Variants in PTPRD observed in about 807,000 individuals in gnomAD.
The protein encoded by PTPRD is protein tyrosine phosphatase receptor type D, also known as receptor-type tyrosine-protein phosphatase delta.
In PTPRD, 34 loss-of-function variants were observed where a neutral mutation model predicts 214.5. That is an observed-to-expected ratio of 0.16 (90% CI 0.12 to 0.21). The LOEUF (loss-of-function observed/expected upper bound fraction) is 0.21, where lower values mean the gene tolerates loss of function less well. Ranked by LOEUF, PTPRD falls within the 10% of genes least tolerant of loss-of-function variation. The pLI, the probability that PTPRD is intolerant of heterozygous loss-of-function variation, is 1.00. For synonymous variants in PTPRD, 1,128 were observed against 845.7 expected (o/e 1.33, Z -5.79); for missense variants, 2,545 against 2,398.7 (o/e 1.06, Z -1.27).
intron 2 of PTPRD, among the ~76,000 whole-genome samples, chr9:10,409,633 A>C (rs1034839379): frequency 6.6e-6 from 1 of 151,854 alleles, no homozygotes; most frequent in East Asian, 1.9e-4. Context: ...TGTGGTTTTA[A>C]AACATGACCA....
At chr9:10,117,102 C>A (rs961077826) in intron 3 of PTPRD, among the ~76,000 whole-genome samples, 1 of 152,052 alleles carries the variant, frequency 6.6e-6, no homozygotes, top group African/African-American at 2.4e-5. Context: ...GAATTTGTAT[C>A]TTCTTTTTTT....
intron 5 of PTPRD, among the ~76,000 whole-genome samples, chr9:9,866,904 C>T (rs890039690): frequency 5.3e-5 from 8 of 151,906 alleles, no homozygotes; most frequent in East Asian, 3.9e-4. Context: ...CCTATTAAAC[C>T]GCAACAGTTT....
intron 9 of PTPRD, among the ~76,000 whole-genome samples, chr9:9,207,978 T>A (rs2099945938): frequency 6.8e-6 from 1 of 147,996 alleles, no homozygotes; most frequent in African/African-American, 2.5e-5. Context: ...ATGCCATTAT[T>A]TTTCTAAGAA....
At chr9:8,851,233 G>A (rs1328593574) in intron 11 of PTPRD, among the ~76,000 whole-genome samples, 1 of 149,668 alleles carries the variant, frequency 6.7e-6, no homozygotes, top group Non-Finnish European at 1.5e-5. Context: ...TTCTGCTTCA[G>A]TATTTTAATT....
chr9:9,507,439 G>A (rs1033732993), intron 8 of PTPRD, among the ~76,000 whole-genome samples: 7 of 150,950 alleles, frequency 4.6e-5, no homozygotes, highest in Non-Finnish European at 8.9e-5. Flanking sequence ...AAATATAATG[G>A]TTTTCTTAGA....
chr9:9,375,022 C>CT (rs978366307), intron 9 of PTPRD, among the ~76,000 whole-genome samples: 4 of 151,966 alleles, frequency 2.6e-5, no homozygotes, highest in East Asian at 1.9e-4. Flanking sequence ...ATTACTAGAA[C>CT]TTTTTTTTAC....
At chr9:9,936,584 G>A (rs1027504788) in intron 5 of PTPRD, among the ~76,000 whole-genome samples, 5 of 137,406 alleles carry the variant, frequency 3.6e-5, no homozygotes, top group Admixed American at 3.6e-4. Context: ...AACAGGTGCT[G>A]GAGAGGATGT....
At chr9:10,150,791 T>G (rs1465587367) in intron 3 of PTPRD, among the ~76,000 whole-genome samples, 1 of 152,026 alleles carries the variant, frequency 6.6e-6, no homozygotes, top group Non-Finnish European at 1.5e-5. Flanking sequence ...CATGATGTAG[T>G]TTCCCTCAGA....
chr9:10,169,246 A>T (rs796701863), intron 3 of PTPRD, among the ~76,000 whole-genome samples: 1 of 151,826 alleles, frequency 6.6e-6, no homozygotes, highest in African/African-American at 2.4e-5. Context: ...AGGCCGAGGC[A>T]GGCGGATCAC....
At chr9:9,566,419 A>G (rs1053884799) in intron 8 of PTPRD, among the ~76,000 whole-genome samples, 1 of 151,992 alleles carries the variant, frequency 6.6e-6, no homozygotes, top group Non-Finnish European at 1.5e-5. Flanking sequence ...AAAAATTTAA[A>G]CTCAGATTAT....
intron 5 of PTPRD, among the ~76,000 whole-genome samples, chr9:9,792,974 C>G (rs1295962869): frequency 2.6e-5 from 4 of 151,968 alleles, no homozygotes; most frequent in African/African-American, 9.7e-5. Flanking sequence ...ATAATCAACA[C>G]CTCTGAGAGC....
At chr9:8,368,210 G>A (rs968796985) in intron 39 of PTPRD, among the ~76,000 whole-genome samples, 6 of 152,214 alleles carry the variant, frequency 3.9e-5, no homozygotes, top group African/African-American at 1.4e-4. Context: ...TTCTGATTCC[G>A]CTTACTAGTT....
At chr9:9,005,891 G>A (rs914965394) in intron 11 of PTPRD, among the ~76,000 whole-genome samples, 1 of 151,864 alleles carries the variant, frequency 6.6e-6, no homozygotes, top group South Asian at 2.1e-4. Context: ...TAACCTATAG[G>A]ACTTGCTATA....
intron 2 of PTPRD, among the ~76,000 whole-genome samples, chr9:10,464,693 A>G (rs987930062): frequency 3.9e-5 from 6 of 151,962 alleles, no homozygotes; most frequent in Non-Finnish European, 8.8e-5. Context: ...TAAAATAAAA[A>G]TTAACTTTTT....
intron 3 of PTPRD, among the ~76,000 whole-genome samples, chr9:10,215,934 C>G (rs1396957529): frequency 2.0e-4 from 30 of 151,738 alleles, no homozygotes; most frequent in Non-Finnish European, 1.5e-5. Context: ...ACATATAAAT[C>G]AGAGGACAGA....
intron 3 of PTPRD, among the ~76,000 whole-genome samples, chr9:10,314,277 C>A (rs933179169): frequency 1.3e-5 from 2 of 151,658 alleles, no homozygotes; most frequent in Non-Finnish European, 2.9e-5. Context: ...AAGCCTCCAA[C>A]CAGGACAAGG....
intron 9 of PTPRD, among the ~76,000 whole-genome samples, chr9:9,346,645 T>G (rs573363446): frequency 1.4e-4 from 21 of 152,264 alleles, no homozygotes; most frequent in African/African-American, 5.1e-4. Flanking sequence ...AATTGTGCCT[T>G]TGTATGTTTT....
intron 2 of PTPRD, among the ~76,000 whole-genome samples, chr9:10,549,284 C>T (rs527447352): frequency 6.6e-6 from 1 of 152,118 alleles, no homozygotes; most frequent in Non-Finnish European, 1.5e-5. Context: ...TGTTAGACTT[C>T]TACATCCAAA....
chr9:9,179,386 TATCATTAGCTTG>T (rs1323192045), intron 10 of PTPRD, among the ~76,000 whole-genome samples: 1 of 152,158 alleles, frequency 6.6e-6, no homozygotes, highest in Non-Finnish European at 1.5e-5. Flanking sequence ...AGTTTCTGGC[TATCATTAGCTTG>T]ATCCAATTAT....
Sources: allele counts gnomAD v4.1 joint callset (sites outside exome capture counted in the v4.1 genomes callset), GRCh38; gene constraint gnomAD v4.1.1; transcripts MANE v1.5; gene names NCBI Gene and HGNC (gene_info 2026-07-23, HGNC 2026-07-21).